The following CDH11 variants were observed in gnomAD, a reference collection of about 807,000 sequenced individuals.
CDH11 encodes cadherin 11.
A neutral mutation model predicts 67.8 loss-of-function variants in CDH11; 11 were observed. That is an observed-to-expected ratio of 0.16 (90% CI 0.10 to 0.27). The LOEUF (loss-of-function observed/expected upper bound fraction) is 0.27, where lower values mean the gene tolerates loss of function less well. CDH11 is among the 10% of genes least tolerant of loss of function. CDH11 has a pLI of 1.00. For synonymous variants in CDH11, 419 were observed against 400.0 expected, an observed-to-expected ratio of 1.05 and a Z score of -0.57; for missense variants, 847 against 1,031.2, an observed-to-expected ratio of 0.82 and a Z score of 2.45.
At chr16:65,117,809 T>C (rs1227287196) in intron 1 of CDH11, among the ~76,000 whole-genome samples, 3 of 152,134 alleles carry the variant, frequency 2.0e-5, no homozygotes, top group African/African-American at 7.2e-5. Flanking sequence ...ATGATGCTCT[T>C]TTTGCCAGAA....
intron 2 of CDH11, among the ~76,000 whole-genome samples, chr16:65,036,121 T>G (rs1003983214): frequency 6.6e-5 from 10 of 152,208 alleles, no homozygotes; most frequent in Non-Finnish European, 5.9e-5. Context: ...TGTGTGTTTT[T>G]AATTATGTTA....
At chr16:65,088,989 T>C (rs2074746634) in intron 1 of CDH11, among the ~76,000 whole-genome samples, 1 of 152,196 alleles carries the variant, frequency 6.6e-6, no homozygotes. Context: ...TTCAAAGAAA[T>C]GGAAAGTGCA....
chr16:64,994,833 C>T (rs1479265803), intron 4 of CDH11, among the ~76,000 whole-genome samples: 5 of 152,160 alleles, frequency 3.3e-5, no homozygotes, highest in African/African-American at 4.8e-5. Context: ...CCAAAAGGCT[C>T]TTAGAACTGA....
chr16:65,029,859 C>T (rs1001340742), intron 2 of CDH11, among the ~76,000 whole-genome samples: 1 of 152,172 alleles, frequency 6.6e-6, no homozygotes, highest in Non-Finnish European at 1.5e-5. Context: ...ACTCACCTGA[C>T]ATTGGAGGCA....
intron 1 of CDH11, among the ~76,000 whole-genome samples, chr16:65,120,942 C>T (rs1374714290): frequency 6.6e-6 from 1 of 152,206 alleles, no homozygotes; most frequent in Non-Finnish European, 1.5e-5. Flanking sequence ...CCTCGCCGTC[C>T]TCCCCATCTG....
chr16:64,987,983 A>T, intron 7 of CDH11, 174 bp downstream of exon 7: 1 of 502,894 alleles, frequency 2.0e-6, no homozygotes, highest in Admixed American at 3.7e-5. Context: ...CTGCAGTAAC[A>T]GAAAGGAATA....
chr16:64,969,356 C>T (rs147151279), intron 11 of CDH11, among the ~76,000 whole-genome samples: 1 of 152,212 alleles, frequency 6.6e-6, no homozygotes, highest in African/African-American at 2.4e-5. Context: ...CCATGATAAA[C>T]AGTAATATTG....
intron 1 of CDH11, among the ~76,000 whole-genome samples, chr16:65,107,304 C>T (rs901313173): frequency 2.6e-5 from 4 of 152,180 alleles, no homozygotes; most frequent in African/African-American, 9.7e-5. Flanking sequence ...ATAGCTTCTA[C>T]CTCATTGAGA....
chr16:65,119,036 T>C (rs1340003729), intron 1 of CDH11: 1 of 152,194 alleles, frequency 6.6e-6, no homozygotes, highest in Non-Finnish European at 1.5e-5. Context: ...CAGGCAAGGT[T>C]CCAGGACATG....
intron 2 of CDH11, among the ~76,000 whole-genome samples, chr16:65,036,359 C>T (rs1473358967): frequency 1.3e-5 from 2 of 152,050 alleles, no homozygotes; most frequent in Admixed American, 6.5e-5. Flanking sequence ...CTTTATTCTG[C>T]TTGGGACTCT....
At chr16:64,998,269 A>G (rs534186713) in intron 4 of CDH11, among the ~76,000 whole-genome samples, 1 of 152,372 alleles carries the variant, frequency 6.6e-6, no homozygotes, top group South Asian at 2.1e-4. Flanking sequence ...AAAATAGTGC[A>G]TGTAAGTCAT....
intron 1 of CDH11, among the ~76,000 whole-genome samples, chr16:65,078,102 G>T (rs573458910): frequency 6.6e-6 from 1 of 152,062 alleles, no homozygotes; most frequent in African/African-American, 2.4e-5. Context: ...GCAAATAATC[G>T]CATCCTCTGT....
intron 4 of CDH11, among the ~76,000 whole-genome samples, chr16:64,995,542 G>A (rs549432712): frequency 1.3e-5 from 2 of 152,182 alleles, no homozygotes; most frequent in Non-Finnish European, 1.5e-5. Context: ...CTAGCCTCAT[G>A]CAGAAGAGTG....
chr16:65,009,487 G>C (rs2073131597), intron 2 of CDH11, among the ~76,000 whole-genome samples: 3 of 151,276 alleles, frequency 2.0e-5, no homozygotes, highest in Non-Finnish European at 2.9e-5. Flanking sequence ...GTTTTGTTTT[G>C]TTTTATGAAA....
At chr16:65,109,242 A>G (rs2142877065) in intron 1 of CDH11, among the ~76,000 whole-genome samples, 1 of 152,338 alleles carries the variant, frequency 6.6e-6, no homozygotes, top group East Asian at 1.9e-4. Flanking sequence ...TCAGCTACAA[A>G]ATCAAAGCCC....
intron 1 of CDH11, among the ~76,000 whole-genome samples, chr16:65,113,053 T>C (rs7200327): frequency 0.21 from 32,204 of 152,186 alleles, 3,735 homozygotes; most frequent in Middle Eastern, 0.33. Context: ...TTTGGGAAGC[T>C]GAGGCGGGCA....
intron 2 of CDH11, among the ~76,000 whole-genome samples, chr16:65,011,183 T>C (rs1404736643): frequency 6.6e-6 from 1 of 151,434 alleles, no homozygotes; most frequent in Non-Finnish European, 1.5e-5. Context: ...AGTGTCCTTA[T>C]GTAACCCACC....
chr16:65,117,524 G>A (rs995689638), intron 1 of CDH11, among the ~76,000 whole-genome samples: 4 of 152,126 alleles, frequency 2.6e-5, no homozygotes, highest in African/African-American at 4.8e-5. Context: ...TCCAGTGCAC[G>A]AGGAACAATC....
chr16:65,076,833 C>T (rs1338529886), intron 1 of CDH11, among the ~76,000 whole-genome samples: 1 of 152,124 alleles, frequency 6.6e-6, no homozygotes, highest in Non-Finnish European at 1.5e-5. Context: ...CCAGCTTAAA[C>T]CATGTCCCTG....
Sources: allele counts gnomAD v4.1 joint callset (sites outside exome capture counted in the v4.1 genomes callset), GRCh38; gene constraint gnomAD v4.1.1; transcripts MANE v1.5; gene names NCBI Gene and HGNC (gene_info 2026-07-23, HGNC 2026-07-21).